RNF157: variants seen among roughly 807,000 people sequenced by gnomAD.
The protein encoded by RNF157 is ring finger protein 157.
In RNF157, 55 loss-of-function variants were observed where a neutral mutation model predicts 88.3. The observed-to-expected ratio is 0.62, with a 90% confidence interval of 0.50 to 0.78. RNF157 has a LOEUF of 0.78. RNF157 is among the 30% of genes least tolerant of loss of function. The probability of loss-of-function intolerance (pLI) is 0.00; values close to 1 mark genes in which losing one functional copy is unlikely to be tolerated. For missense variants in RNF157, 788 were observed against 860.8 expected, an observed-to-expected ratio of 0.92 and a Z score of 1.06; for synonymous variants, 334 against 341.2, an observed-to-expected ratio of 0.98 and a Z score of 0.23.
intron 1 of RNF157, among the ~76,000 whole-genome samples, chr17:76,220,384 CTAA>C (rs781223348): frequency 5.9e-5 from 5 of 84,550 alleles, no homozygotes; most frequent in African/African-American, 3.5e-4. Flanking sequence ...GTAATGATAT[CTAA>C]AAAAAAAAAA....
rs115687182 is a variant in RNF157, at chr17:76,178,048, T to C, written c.208-4258A>G. ...TCGTCTTGCTCACCCTATGTTTGTC[T>C]GTGTATCTCATTCTTCCTTGTTGCA... On this transcript the variant is annotated intron_variant, in intron 2 of 18. Transcript: ENST00000269391. Among the ~76,000 whole-genome samples the C allele has an allele frequency of 2.8e-3, 428 of 152,370 alleles. 4 individuals carry two copies. Among genetic ancestry groups the C allele is most frequent in the African/African-American group, 9.8e-3 (407 of 41,578 alleles).
chr17:76,185,264 A>G (rs1164583455), intron 2 of RNF157, among the ~76,000 whole-genome samples: 1 of 152,220 alleles, frequency 6.6e-6, no homozygotes, highest in Non-Finnish European at 1.5e-5. Context: ...CCAGCAGGCT[A>G]AAACCTTCTA....
intron 2 of RNF157, among the ~76,000 whole-genome samples, chr17:76,204,859 A>T (rs2069652093): frequency 6.7e-6 from 1 of 149,232 alleles, no homozygotes; most frequent in African/African-American, 2.5e-5. Context: ...ATCTCGGCTC[A>T]CTGAAACCTG....
At chr17:76,151,328 C>A (rs531814228) in intron 18 of RNF157, among the ~76,000 whole-genome samples, 142 of 152,366 alleles carry the variant, frequency 9.3e-4, no homozygotes, top group Non-Finnish European at 1.7e-3. Context: ...TCCCCTGCCA[C>A]AAGCTTGTGT....
chr17:76,195,863 A>C lies in RNF157; in HGVS notation c.207+16501T>G, dbSNP rs1365253021. ...AGGGACTGGGCAGAAGCAGCTTTCC[A>C]TAAGATAGCCCATACCTCCCATACC... is the stretch of plus-strand genomic sequence containing the variant. On this transcript the variant is annotated intron_variant, in intron 2 of 18. Coordinates refer to ENST00000269391, the MANE Select transcript of RNF157 (RefSeq NM_052916.3). The surrounding 1 kb of genome is among the most constrained non-coding windows in gnomAD (Gnocchi z 4.4). Among the ~76,000 whole-genome samples, 1 of 152,206 alleles carries C rather than the reference A, an allele frequency of 6.6e-6. No individual in the cohort carries two copies. The highest frequency in any genetic ancestry group is 1.9e-4 in the East Asian group (1 of 5,204).
intron 1 of RNF157, chr17:76,225,923 T>C (rs2070075552): frequency 6.2e-7 from 1 of 1,613,210 alleles, no homozygotes; most frequent in African/African-American, 1.3e-5. Flanking sequence ...CTTCTGGCGG[T>C]ACCTAGTGGC....
intron 1 of RNF157, among the ~76,000 whole-genome samples, chr17:76,232,169 G>A (rs1218774635): frequency 6.6e-6 from 1 of 152,162 alleles, no homozygotes; most frequent in African/African-American, 2.4e-5. Context: ...GATGGCTCAA[G>A]ACTAGGAGTT....
At chr17:76,235,573 C>T (rs2070269200) in intron 1 of RNF157, among the ~76,000 whole-genome samples, 2 of 152,174 alleles carry the variant, frequency 1.3e-5, no homozygotes, top group African/African-American at 4.8e-5. Context: ...GAGAAACTTA[C>T]ATTAAAACTT....
chr17:76,172,632 A>T (rs549518166), intron 3 of RNF157, among the ~76,000 whole-genome samples: 3 of 147,734 alleles, frequency 2.0e-5, no homozygotes, highest in African/African-American at 7.5e-5. Flanking sequence ...AAAAAAAAAA[A>T]AGGCGAGACT....
chr17:76,192,023 A>G (rs2069395843), intron 2 of RNF157, among the ~76,000 whole-genome samples: 1 of 152,224 alleles, frequency 6.6e-6, no homozygotes. Flanking sequence ...ATGCTGAAAA[A>G]GTTAACCAGA....
intron 2 of RNF157, among the ~76,000 whole-genome samples, chr17:76,181,866 C>G (rs2069193720): frequency 6.7e-6 from 1 of 148,936 alleles, no homozygotes; most frequent in African/African-American, 2.5e-5. Context: ...TGAGATCACA[C>G]CACTGCACTC....
intron 2 of RNF157, among the ~76,000 whole-genome samples, chr17:76,189,316 G>GT (rs533033904): frequency 6.2e-4 from 95 of 152,284 alleles, no homozygotes; most frequent in African/African-American, 2.3e-3. Flanking sequence ...TGATTCTTCT[G>GT]TAAGAATAAA....
intron 2 of RNF157, among the ~76,000 whole-genome samples, chr17:76,204,571 C>CT (rs1568061445): frequency 6.6e-6 from 1 of 152,108 alleles, no homozygotes; most frequent in Admixed American, 6.6e-5. Context: ...ATCATGTTCT[C>CT]TTTTTTTGCC....
At chr17:76,162,120 A>G (rs1033703593) in intron 9 of RNF157, 118 bp from the exon 10 acceptor site, 47 of 1,020,708 alleles carry the variant, frequency 4.6e-5, no homozygotes, top group Non-Finnish European at 6.6e-5. Flanking sequence ...CAAAATCTGC[A>G]TTGACATTGG....
chr17:76,216,916 A>C (rs2069899297), intron 1 of RNF157, among the ~76,000 whole-genome samples: 1 of 149,472 alleles, frequency 6.7e-6, no homozygotes, highest in South Asian at 2.1e-4. Context: ...CAAAAACAAA[A>C]AACAAACAAA....
intron 2 of RNF157, among the ~76,000 whole-genome samples, chr17:76,211,278 A>G (rs1400483083): frequency 6.6e-6 from 1 of 152,034 alleles, no homozygotes; most frequent in African/African-American, 2.4e-5. Context: ...GCCGTGCTCT[A>G]CTCCTGGAAA....
chr17:76,223,120 G>C (rs1350452331), intron 1 of RNF157, among the ~76,000 whole-genome samples: 3 of 151,564 alleles, frequency 2.0e-5, no homozygotes, highest in Non-Finnish European at 4.4e-5. Context: ...TTGATCTCCT[G>C]ACCTCGTGAT....
chr17:76,165,420 G>A, intron 7 of RNF157, 82 bp downstream of exon 7: 1 of 1,420,072 alleles, frequency 7.0e-7, no homozygotes, highest in South Asian at 1.2e-5. Flanking sequence ...CTGAGCTCAG[G>A]CACCCAGCAA....
chr17:76,238,167 T>G (rs3859180), intron 1 of RNF157, among the ~76,000 whole-genome samples: 1 of 151,796 alleles, frequency 6.6e-6, no homozygotes, highest in Non-Finnish European at 1.5e-5. Flanking sequence ...TCAGGACTAA[T>G]ACTGTAATCC....
Sources: allele counts gnomAD v4.1 joint callset (sites outside exome capture counted in the v4.1 genomes callset), GRCh38; gene constraint gnomAD v4.1.1; non-coding constraint Gnocchi (gnomAD v3.1); transcripts MANE v1.5; gene names NCBI Gene and HGNC (gene_info 2026-07-23, HGNC 2026-07-21).